The following CCSER1 variants were observed in gnomAD, a reference collection of about 807,000 sequenced individuals.
CCSER1 encodes the protein coiled-coil serine rich protein 1, also known as serine-rich coiled-coil domain-containing protein 1.
CCSER1 carries 41 observed loss-of-function variants against 82.0 expected under a neutral mutation model. That is an observed-to-expected ratio of 0.50 (90% CI 0.39 to 0.65). CCSER1 has a LOEUF of 0.65. Among genes scored for constraint, CCSER1 ranks in the 30% least tolerant of loss-of-function variants. The pLI, the probability that CCSER1 is intolerant of heterozygous loss-of-function variation, is 0.00. For missense variants in CCSER1, 1,119 were observed against 1,064.2 expected, an observed-to-expected ratio of 1.05 and a Z score of -0.72; for synonymous variants, 414 against 383.9, an observed-to-expected ratio of 1.08 and a Z score of -0.92.
intron 9 of CCSER1, among the ~76,000 whole-genome samples, chr4:91,049,671 A>C (rs11735168): frequency 0.17 from 25,782 of 152,162 alleles, 2,266 homozygotes; most frequent in Admixed American, 0.22. Flanking sequence ...ATCTAAATGT[A>C]ATCACATCTC....
intron 10 of CCSER1, among the ~76,000 whole-genome samples, chr4:91,268,013 A>T (rs575326000): frequency 6.6e-6 from 1 of 152,342 alleles, no homozygotes; most frequent in Non-Finnish European, 1.5e-5. Context: ...CAAGAGGATC[A>T]ATTTAAGAAA....
At chr4:91,353,195 C>T (rs569056665) in intron 10 of CCSER1, among the ~76,000 whole-genome samples, 4 of 152,308 alleles carry the variant, frequency 2.6e-5, no homozygotes, top group African/African-American at 4.8e-5. Context: ...CCAGGAGCGT[C>T]GGCAAGCTAC....
chr4:90,532,885 C>T (rs1009379135), intron 5 of CCSER1, among the ~76,000 whole-genome samples: 2 of 151,978 alleles, frequency 1.3e-5, no homozygotes, highest in African/African-American at 4.8e-5. Flanking sequence ...TTTTTGTATT[C>T]TGTTCTTACT....
At chr4:91,426,748 T>C (rs994139689) in intron 10 of CCSER1, among the ~76,000 whole-genome samples, 1 of 152,186 alleles carries the variant, frequency 6.6e-6, no homozygotes, top group Non-Finnish European at 1.5e-5. Flanking sequence ...ATGTAAATTT[T>C]GGATACTTAA....
chr4:90,825,292 T>C (rs1760265898), intron 8 of CCSER1, among the ~76,000 whole-genome samples: 1 of 152,238 alleles, frequency 6.6e-6, no homozygotes. Context: ...AATTTATACG[T>C]AAAGTTAAAC....
chr4:91,524,736 A>C (rs1292135893), intron 10 of CCSER1, among the ~76,000 whole-genome samples: 1 of 152,204 alleles, frequency 6.6e-6, no homozygotes, highest in Non-Finnish European at 1.5e-5. Flanking sequence ...TACACCGCAG[A>C]AAACAAGTAT....
Position 91,232,505 on chromosome 4 carries a change from TAAAC to T in CCSER1, c.2217+146516_2217+146519del, listed in dbSNP as rs576640346. On this transcript the variant is annotated intron_variant, in intron 10 of 10. Transcript: ENST00000509176. The stretch of plus-strand genomic sequence containing the variant: ...AATATACTATCATTTGGATAGAAAG[TAAAC>T]AAACGGAAATACAACTATGCCTATA... Among the ~76,000 whole-genome samples, 130 of 151,864 alleles carry T rather than the reference TAAAC, an allele frequency of 8.6e-4. No homozygotes were observed. The South Asian group carries it at 0.012, about 14-fold the overall frequency.
At chr4:91,312,925 A>G (rs1745587625) in intron 10 of CCSER1, among the ~76,000 whole-genome samples, 1 of 152,024 alleles carries the variant, frequency 6.6e-6, no homozygotes, top group Non-Finnish European at 1.5e-5. Flanking sequence ...ACTCCCGTCT[A>G]GTAAAAATGT....
intron 10 of CCSER1, among the ~76,000 whole-genome samples, chr4:91,573,074 G>A (rs537386873): frequency 3.9e-5 from 6 of 152,316 alleles, no homozygotes; most frequent in South Asian, 2.1e-4. Context: ...GAGGTGGAAC[G>A]GGATTGAGAA....
intron 5 of CCSER1, among the ~76,000 whole-genome samples, chr4:90,620,488 A>G (rs1722104290): frequency 6.6e-6 from 1 of 152,196 alleles, no homozygotes; most frequent in Non-Finnish European, 1.5e-5. Context: ...TTTTGTGGAT[A>G]CATTGATGAA....
At chr4:90,222,751 A>G (rs1325472360) in intron 1 of CCSER1, among the ~76,000 whole-genome samples, 1 of 152,192 alleles carries the variant, frequency 6.6e-6, no homozygotes, top group Non-Finnish European at 1.5e-5. Flanking sequence ...TGGGACCTTA[A>G]TGAATACAAA....
chr4:90,378,315 TTA>T (rs2153529785), intron 3 of CCSER1, among the ~76,000 whole-genome samples: 1 of 152,270 alleles, frequency 6.6e-6, no homozygotes, highest in South Asian at 2.1e-4. Context: ...TGTCAGAATT[TTA>T]TGTTAACAAC....
intron 5 of CCSER1, among the ~76,000 whole-genome samples, chr4:90,485,249 C>T (rs986716231): frequency 6.6e-6 from 1 of 152,094 alleles, no homozygotes; most frequent in Non-Finnish European, 1.5e-5. Context: ...GTGGGAGTGA[C>T]CCAATTTTCC....
chr4:91,010,355 A>T (rs1738910127), intron 9 of CCSER1, among the ~76,000 whole-genome samples: 1 of 151,990 alleles, frequency 6.6e-6, no homozygotes, highest in Admixed American at 6.6e-5. Context: ...GTTTGTCTTT[A>T]CTTTTTGACA....
intron 10 of CCSER1, among the ~76,000 whole-genome samples, chr4:91,442,784 C>T (rs925109183): frequency 4.0e-5 from 6 of 148,848 alleles, no homozygotes; most frequent in African/African-American, 1.5e-4. Context: ...AAGAAAAAAA[C>T]AAACAACCCC....
intron 8 of CCSER1, among the ~76,000 whole-genome samples, chr4:90,888,190 A>C (rs1007018826): frequency 6.6e-6 from 1 of 152,172 alleles, no homozygotes; most frequent in African/African-American, 2.4e-5. Context: ...CTGTGCATTA[A>C]ATACTTCTTC....
chr4:91,288,148 G>A (rs535741268), intron 10 of CCSER1, among the ~76,000 whole-genome samples: 61 of 101,788 alleles, frequency 6.0e-4, no homozygotes, highest in East Asian at 2.9e-3. Flanking sequence ...ATATACACTC[G>A]TATATATATA....
chr4:90,220,433 C>T (rs1045880563), intron 1 of CCSER1, among the ~76,000 whole-genome samples: 1 of 151,780 alleles, frequency 6.6e-6, no homozygotes, highest in Non-Finnish European at 1.5e-5. Flanking sequence ...TTTTCCCCTG[C>T]ACATGAATAT....
intron 10 of CCSER1, among the ~76,000 whole-genome samples, chr4:91,125,124 CA>C (rs1353956697): frequency 6.6e-6 from 1 of 151,538 alleles, no homozygotes; most frequent in African/African-American, 2.4e-5. Context: ...CTACTTCAAT[CA>C]GTATATCAAA....
Sources: allele counts gnomAD v4.1 joint callset (sites outside exome capture counted in the v4.1 genomes callset), GRCh38; gene constraint gnomAD v4.1.1; transcripts MANE v1.5; gene names NCBI Gene and HGNC (gene_info 2026-07-23, HGNC 2026-07-21).